The following CNTN6 variants were observed in gnomAD, a reference collection of about 807,000 sequenced individuals.
CNTN6 encodes contactin-6.
Under a neutral mutation model 122.8 loss-of-function variants are expected in CNTN6, and 137 were observed. That is an observed-to-expected ratio of 1.12 (90% CI 0.97 to 1.29). The LOEUF is 1.29. Among genes scored for constraint, CNTN6 ranks in the 50% most tolerant of loss-of-function variants. CNTN6 has a pLI of 0.00. For synonymous variants in CNTN6, 570 were observed against 426.0 expected (o/e 1.34, Z -4.16); for missense variants, 1,634 against 1,223.4 (o/e 1.34, Z -5.01).
chr3:1,274,452 G>A (rs1342395350), intron 4 of CNTN6, among the ~76,000 whole-genome samples: 1 of 152,168 alleles, frequency 6.6e-6, no homozygotes, highest in Non-Finnish European at 1.5e-5. Context: ...GGGTGTAGTT[G>A]AGGATCAGTA....
intron 4 of CNTN6, among the ~76,000 whole-genome samples, chr3:1,231,871 T>C (rs750655725): frequency 3.7e-4 from 57 of 152,338 alleles, no homozygotes; most frequent in Non-Finnish European, 6.2e-4. Context: ...GTTATCATCC[T>C]GGCATTCTTG....
At chr3:1,173,593 C>A (rs1040912131) in intron 2 of CNTN6, among the ~76,000 whole-genome samples, 1 of 152,172 alleles carries the variant, frequency 6.6e-6, no homozygotes, top group Non-Finnish European at 1.5e-5. Flanking sequence ...TTTATCACAC[C>A]ACCTCCCTGT....
At chr3:1,330,071 CT>C in intron 11 of CNTN6, 136 bp downstream of exon 11, 1 of 535,760 alleles carries the variant, frequency 1.9e-6, no homozygotes, top group Middle Eastern at 5.2e-4. Context: ...CGCCAGCATT[CT>C]TCTCATCATA....
intron 4 of CNTN6, among the ~76,000 whole-genome samples, chr3:1,241,693 C>G (rs1412281989): frequency 6.6e-6 from 1 of 152,048 alleles, no homozygotes; most frequent in Non-Finnish European, 1.5e-5. Context: ...TTGTCATACA[C>G]CAGGCCAGAT....
At chr3:1,327,680 A>G in intron 10 of CNTN6, 94 bp downstream of exon 10, 1 of 1,258,976 alleles carries the variant, frequency 7.9e-7, no homozygotes, top group Non-Finnish European at 1.1e-6. Flanking sequence ...TGTAAATTAG[A>G]AATTGCTGTC....
At chr3:1,399,605 A>C (rs1406457171) in intron 20 of CNTN6, among the ~76,000 whole-genome samples, 4 of 152,104 alleles carry the variant, frequency 2.6e-5, no homozygotes, top group Admixed American at 6.6e-5. Context: ...AGGACAACAT[A>C]ATGAATGGAT....
intron 12 of CNTN6, among the ~76,000 whole-genome samples, chr3:1,371,062 C>G (rs567676325): frequency 6.6e-6 from 1 of 151,956 alleles, no homozygotes; most frequent in Non-Finnish European, 1.5e-5. Context: ...TTCCTACTTT[C>G]TACTTCTAAA....
intron 11 of CNTN6, among the ~76,000 whole-genome samples, chr3:1,349,667 G>C (rs1028001270): frequency 1.3e-5 from 2 of 151,580 alleles, no homozygotes; most frequent in Non-Finnish European, 3.0e-5. Flanking sequence ...CCTTCTTTTG[G>C]CTTTTTTAAA....
At chr3:1,251,512 C>A in intron 4 of CNTN6, among the ~76,000 whole-genome samples, 1 of 152,206 alleles carries the variant, frequency 6.6e-6, no homozygotes, top group East Asian at 1.9e-4. Flanking sequence ...GATTCACTTT[C>A]ACTTTCCCCC....
intron 16 of CNTN6, among the ~76,000 whole-genome samples, chr3:1,376,584 C>G (rs1002877858): frequency 1.3e-5 from 2 of 151,782 alleles, no homozygotes; most frequent in Admixed American, 1.3e-4. Context: ...ATCCTGATGA[C>G]TAATAAAAGG....
At chr3:1,300,393 T>C (rs1697003751) in intron 7 of CNTN6, among the ~76,000 whole-genome samples, 1 of 151,246 alleles carries the variant, frequency 6.6e-6, no homozygotes, top group South Asian at 2.1e-4. Flanking sequence ...AGTCCTGTTC[T>C]CTCTGTCTCA....
chr3:1,308,596 T>C (rs902493931), intron 7 of CNTN6, among the ~76,000 whole-genome samples: 1 of 151,872 alleles, frequency 6.6e-6, no homozygotes, highest in Non-Finnish European at 1.5e-5. Flanking sequence ...CATACAGCTA[T>C]TTGTATTATG....
chr3:1,292,812 A>G (rs1404274841), intron 5 of CNTN6, among the ~76,000 whole-genome samples: 2 of 152,154 alleles, frequency 1.3e-5, no homozygotes, highest in Non-Finnish European at 2.9e-5. Context: ...CAAAGAGAGT[A>G]AAAGCCTTTT....
At chr3:1,287,875 A>C (rs1480599329) in intron 5 of CNTN6, among the ~76,000 whole-genome samples, 2 of 152,212 alleles carry the variant, frequency 1.3e-5, no homozygotes, top group Non-Finnish European at 2.9e-5. Flanking sequence ...CCAGAAAACT[A>C]ATGAATGTTC....
intron 1 of CNTN6, among the ~76,000 whole-genome samples, chr3:1,095,610 C>G (rs1235257833): frequency 6.6e-6 from 1 of 152,148 alleles, no homozygotes; most frequent in Non-Finnish European, 1.5e-5. Flanking sequence ...AGATTTCTCT[C>G]CAATGGAGAT....
At chr3:1,261,749 T>C (rs1477357711) in intron 4 of CNTN6, among the ~76,000 whole-genome samples, 2 of 152,100 alleles carry the variant, frequency 1.3e-5, no homozygotes, top group Non-Finnish European at 1.5e-5. Context: ...TATAACACTT[T>C]TGGTTTCCCA....
At chr3:1,170,364 A>G (rs1026614824) in intron 2 of CNTN6, among the ~76,000 whole-genome samples, 6 of 152,124 alleles carry the variant, frequency 3.9e-5, no homozygotes, top group Admixed American at 2.6e-4. Context: ...ATTCTCCCCA[A>G]TATACAGACC....
intron 20 of CNTN6, 83 bp from the exon 21 acceptor site, chr3:1,401,347 CTTA>C: frequency 9.6e-7 from 1 of 1,042,432 alleles, no homozygotes; most frequent in Non-Finnish European, 1.4e-6. Flanking sequence ...TCATCGAAGA[CTTA>C]TTTTTTCTTT....
At chr3:1,300,809 C>G (rs562761665) in intron 7 of CNTN6, among the ~76,000 whole-genome samples, 9 of 151,922 alleles carry the variant, frequency 5.9e-5, no homozygotes, top group Non-Finnish European at 1.3e-4. Flanking sequence ...CTCTCTCCCC[C>G]TCTCTCTCTT....
Sources: allele counts gnomAD v4.1 joint callset (sites outside exome capture counted in the v4.1 genomes callset), GRCh38; gene constraint gnomAD v4.1.1; transcripts MANE v1.5; gene names NCBI Gene and HGNC (gene_info 2026-07-23, HGNC 2026-07-21).